The following PDZD2 variants were observed in gnomAD, a reference collection of about 807,000 sequenced individuals.
PDZD2 encodes PDZ domain containing 2.
Under a neutral mutation model 220.7 loss-of-function variants are expected in PDZD2, and 90 were observed. The ratio of observed to expected loss-of-function variants is 0.41; its 90% CI spans 0.34 to 0.49. The LOEUF (loss-of-function observed/expected upper bound fraction) is 0.49. PDZD2 is among the 20% of genes least tolerant of loss of function. The pLI is 0.28. For synonymous variants in PDZD2, 1,375 were observed against 1,450.5 expected (o/e 0.95, Z 1.18); for missense variants, 3,174 against 3,608.5 (o/e 0.88, Z 3.08).
chr5:31,758,297 C>T (rs1216552143), intron 1 of PDZD2, among the ~76,000 whole-genome samples: 4 of 152,242 alleles, frequency 2.6e-5, no homozygotes, highest in Admixed American at 6.5e-5. Context: ...CCTTGGAAGT[C>T]GTGCCCAGTG....
chr5:32,100,733 A>C (rs919864532), intron 23 of PDZD2: 12 of 430,078 alleles, frequency 2.8e-5, no homozygotes, highest in African/African-American at 2.4e-4. Flanking sequence ...AGAAAATCAA[A>C]TTTGGAGTCC....
At chr5:31,728,173 TG>T (rs1335282190) in intron 1 of PDZD2, among the ~76,000 whole-genome samples, 3 of 151,972 alleles carry the variant, frequency 2.0e-5, no homozygotes, top group Non-Finnish European at 2.9e-5. Context: ...GTGAGGGACT[TG>T]GCAGCATCTT....
chr5:32,023,151 C>G (rs997258242), intron 6 of PDZD2, among the ~76,000 whole-genome samples: 1 of 152,090 alleles, frequency 6.6e-6, no homozygotes, highest in Admixed American at 6.5e-5. Flanking sequence ...TCCCTTTTTT[C>G]CTGAAGGCAG....
chr5:32,001,582 T>C (rs1385576059), intron 5 of PDZD2, among the ~76,000 whole-genome samples: 1 of 152,196 alleles, frequency 6.6e-6, no homozygotes, highest in African/African-American at 2.4e-5. Flanking sequence ...CCTCCACAGG[T>C]CCTGACGCCC....
Position 31,844,443 on chromosome 5 carries a change from A to G in PDZD2, c.476+44719A>G, listed in dbSNP as rs772396905. ...AGCTTCTCGATTTTTAACAATGTGCATATGTTTTGTTTTCCATATATTTAC... is the reference window on the plus strand; with the variant it reads ...AGCTTCTCGATTTTTAACAATGTGCGTATGTTTTGTTTTCCATATATTTAC... On this transcript the variant is annotated intron_variant, in intron 2 of 24. Coordinates refer to ENST00000438447, the MANE Select transcript of PDZD2 (RefSeq NM_178140.4). Among the ~76,000 whole-genome samples the G allele has an allele frequency of 1.3e-5, 2 of 152,334 alleles. 1 individual carries two copies. Among genetic ancestry groups the G allele is most frequent in the South Asian group, 4.1e-4 (2 of 4,828 alleles).
In PDZD2 at chr5:31,721,560, T is replaced by TAAGGA. The variant is rs545826629; in HGVS notation, c.-360-77318_-360-77314dup. Among the ~76,000 whole-genome samples, 251 of 143,054 alleles carry TAAGGA rather than the reference T, an allele frequency of 1.8e-3. 13 individuals are homozygous for TAAGGA. In the South Asian group the frequency reaches 0.054, roughly 31 times the overall value. 93.8% of individuals were successfully genotyped at this position (143,054 alleles called of 152,430 possible). A position where few individuals can be genotyped will look rare whatever the true frequency, so the allele number is the denominator to read the frequency against. ...TTTAGAAAAAGTATTAGGAAACTAA[T>TAAGGA]AAGGAAAGGAAAGGATAAAGTGAAA... On this transcript the variant is annotated intron_variant, in intron 1 of 24. Coordinates refer to ENST00000438447, the MANE Select transcript of PDZD2 (RefSeq NM_178140.4).
At chr5:31,828,072 C>A (rs548644341) in intron 2 of PDZD2, among the ~76,000 whole-genome samples, 13 of 152,210 alleles carry the variant, frequency 8.5e-5, no homozygotes, top group Non-Finnish European at 1.3e-4. Context: ...ATATGTTTAA[C>A]CACATTTGTT....
At chr5:31,650,362 C>G (rs1365928832) in intron 1 of PDZD2, among the ~76,000 whole-genome samples, 1 of 152,178 alleles carries the variant, frequency 6.6e-6, no homozygotes, top group Non-Finnish European at 1.5e-5. Flanking sequence ...ATCCAGATCT[C>G]TCTGTCTACT....
At chr5:31,692,118 G>A (rs1325183745) in intron 1 of PDZD2, among the ~76,000 whole-genome samples, 1 of 152,144 alleles carries the variant, frequency 6.6e-6, no homozygotes, top group African/African-American at 2.4e-5. Flanking sequence ...GTGGAGGGGA[G>A]GCTCAGGCAT....
chr5:31,760,360 A>G (rs1751557503), intron 1 of PDZD2, among the ~76,000 whole-genome samples: 1 of 152,182 alleles, frequency 6.6e-6, no homozygotes, highest in Non-Finnish European at 1.5e-5. Flanking sequence ...TCAGAAAACA[A>G]TTCAAGGCAG....
chr5:31,898,510 C>T (rs557261657), intron 2 of PDZD2, among the ~76,000 whole-genome samples: 1 of 152,298 alleles, frequency 6.6e-6, no homozygotes, highest in East Asian at 1.9e-4. Flanking sequence ...CTGCCTTTTC[C>T]TTTGAAGGCA....
intron 6 of PDZD2, among the ~76,000 whole-genome samples, chr5:32,025,449 C>T (rs930704545): frequency 2.0e-5 from 3 of 150,904 alleles, no homozygotes; most frequent in Non-Finnish European, 4.4e-5. Flanking sequence ...CACTTGAACC[C>T]GGGAGGTGGA....
chr5:32,078,911 T>G (rs2112427001), intron 19 of PDZD2, among the ~76,000 whole-genome samples: 1 of 152,076 alleles, frequency 6.6e-6, no homozygotes, highest in African/African-American at 2.4e-5. Context: ...TTTTTAAAAA[T>G]CAACTGAATT....
At chr5:32,096,328 GTTTT>G (rs1223464169) in intron 21 of PDZD2, among the ~76,000 whole-genome samples, 3 of 151,912 alleles carry the variant, frequency 2.0e-5, no homozygotes, top group South Asian at 2.1e-4. Flanking sequence ...AACTTTGGGG[GTTTT>G]TTGAGACAGA....
At chr5:31,790,778 A>G (rs1261173809) in intron 1 of PDZD2, among the ~76,000 whole-genome samples, 1 of 137,418 alleles carries the variant, frequency 7.3e-6, no homozygotes, top group Non-Finnish European at 1.5e-5. Context: ...GGCTCACTGC[A>G]AGCTCCGCCT....
intron 24 of PDZD2, among the ~76,000 whole-genome samples, chr5:32,102,263 G>T (rs1744321957): frequency 6.6e-6 from 1 of 151,974 alleles, no homozygotes; most frequent in Non-Finnish European, 1.5e-5. Context: ...TGCAGGCTGG[G>T]GCCCACCCAG....
intron 2 of PDZD2, among the ~76,000 whole-genome samples, chr5:31,879,911 CT>C (rs568407359): frequency 0.033 from 4,084 of 124,132 alleles, 84 homozygotes; most frequent in Non-Finnish European, 0.039. Flanking sequence ...CAATACCTGC[CT>C]TTTTTTTTTT....
intron 1 of PDZD2, among the ~76,000 whole-genome samples, chr5:31,724,602 CAAAAAAA>C (rs35523154): frequency 3.3e-5 from 2 of 61,014 alleles, no homozygotes; most frequent in African/African-American, 6.6e-5. Flanking sequence ...AATTCCGTCT[CAAAAAAA>C]AAAAAAAAAA....
At chr5:31,892,094 T>G (rs1251812966) in intron 2 of PDZD2, among the ~76,000 whole-genome samples, 1 of 151,920 alleles carries the variant, frequency 6.6e-6, no homozygotes, top group African/African-American at 2.4e-5. Flanking sequence ...TTATTTTTTG[T>G]AGAGATGTCT....
Sources: allele counts gnomAD v4.1 joint callset (sites outside exome capture counted in the v4.1 genomes callset), GRCh38; gene constraint gnomAD v4.1.1; transcripts MANE v1.5; gene names NCBI Gene and HGNC (gene_info 2026-07-23, HGNC 2026-07-21).